The following ARMC3 variants were observed in gnomAD, a reference collection of about 807,000 sequenced individuals.
ARMC3 encodes the protein armadillo repeat-containing protein 3.
In ARMC3, 74 loss-of-function variants were observed where a neutral mutation model predicts 90.3. The ratio of observed to expected loss-of-function variants is 0.82; its 90% CI spans 0.68 to 0.99. The LOEUF is 0.99. Ranked by LOEUF, ARMC3 falls within the 50% of genes least tolerant of loss-of-function variation. ARMC3 has a pLI of 0.00. For synonymous variants in ARMC3, 334 were observed against 361.8 expected (o/e 0.92, Z 0.87); for missense variants, 958 against 1,042.8 (o/e 0.92, Z 1.12).
chr10:23,012,998 C>T (rs899190484), intron 16 of ARMC3, among the ~76,000 whole-genome samples: 1 of 151,600 alleles, frequency 6.6e-6, no homozygotes, highest in Non-Finnish European at 1.5e-5. Flanking sequence ...ACGCAATTCT[C>T]GGGCCTCAGC....
chr10:22,972,926 G>A (rs545469570), intron 8 of ARMC3, among the ~76,000 whole-genome samples: 2 of 152,160 alleles, frequency 1.3e-5, no homozygotes, highest in Non-Finnish European at 2.9e-5. Context: ...CCCTTTGAGG[G>A]AAGGACCTGC....
chr10:22,955,827 CT>C lies in ARMC3; in HGVS notation c.188del (p.Leu63ProfsTer10). The stretch of plus-strand genomic sequence containing the variant: ...GTCAGGTGAGGAAAATAAAACAACC[CT>C]CCTTGAACTTGGAGCTGTGGAACCT... Reference protein sequence around the residue: ...ALKGEENKTTLLELGAVEPLT... With the variant: ...ALKGEENKTTXLELGAVEPLT... On this transcript the variant is annotated frameshift_variant, in exon 4 of 19. Transcript: ENST00000298032. LOFTEE classifies it high-confidence loss of function. 3.1e-6 allele frequency: 5 copies of C among 1,613,912 alleles called. No homozygotes were observed. Among genetic ancestry groups the C allele is most frequent in the Non-Finnish European group, 4.2e-6 (5 of 1,179,918 alleles).
chr10:22,945,713 A>T (rs752792083), intron 2 of ARMC3, among the ~76,000 whole-genome samples: 1 of 152,208 alleles, frequency 6.6e-6, no homozygotes, highest in Non-Finnish European at 1.5e-5. Context: ...AAGCATTTAT[A>T]TCATTTGATA....
chr10:22,971,561 C>T (rs1588862770), intron 8 of ARMC3, among the ~76,000 whole-genome samples: 1 of 151,910 alleles, frequency 6.6e-6, no homozygotes, highest in East Asian at 1.9e-4. Flanking sequence ...CTGCCTCAGC[C>T]TCCTGAGTAG....
At chr10:22,943,048 G>T (rs573186835) in intron 2 of ARMC3, among the ~76,000 whole-genome samples, 21 of 152,194 alleles carry the variant, frequency 1.4e-4, no homozygotes, top group Non-Finnish European at 3.1e-4. Context: ...TATCTCTCAT[G>T]GGGGCAGGGT....
At chr10:22,943,325 T>C (rs1361461349) in intron 2 of ARMC3, among the ~76,000 whole-genome samples, 1 of 152,196 alleles carries the variant, frequency 6.6e-6, no homozygotes, top group Non-Finnish European at 1.5e-5. Flanking sequence ...TGTTTTCATC[T>C]TGTAATTTCT....
intron 16 of ARMC3, among the ~76,000 whole-genome samples, chr10:23,011,759 A>C (rs1383047006): frequency 1.3e-5 from 2 of 152,166 alleles, no homozygotes; most frequent in Non-Finnish European, 2.9e-5. Flanking sequence ...CCCAATTCCA[A>C]AACAGCCTTC....
chr10:22,955,743 C>T, intron 3 of ARMC3, 64 bp from the exon 4 acceptor site: 2 of 1,574,400 alleles, frequency 1.3e-6, no homozygotes. Context: ...TGGAATGGCA[C>T]AAGGCAGAAT....
Position 23,008,275 on chromosome 10 carries a change from G to C in ARMC3, c.1830-1G>C. The C allele has an allele frequency of 6.8e-7, 1 of 1,460,238 alleles. No individual in the cohort carries two copies. The highest frequency in any genetic ancestry group is 9.3e-7 in the Non-Finnish European group (1 of 1,075,182). The allele number at this position is 1,460,238 out of a possible 1,614,324, so 90.5% of individuals were successfully genotyped here. ...ATAATTTTAAATGTGTAAAATTTTAGTTCTCCACCTTCATCTATGGAAGAT... is the reference window on the plus strand; with the variant it reads ...ATAATTTTAAATGTGTAAAATTTTACTTCTCCACCTTCATCTATGGAAGAT... On this transcript the variant is annotated splice_acceptor_variant, in intron 14 of 18. Transcript: ENST00000298032. LOFTEE classifies it high-confidence loss of function.
intron 2 of ARMC3, among the ~76,000 whole-genome samples, chr10:22,939,349 C>T (rs1834232663): frequency 6.6e-6 from 1 of 152,158 alleles, no homozygotes; most frequent in Admixed American, 6.5e-5. Flanking sequence ...TGGAACTCCA[C>T]CTGGCAAAGG....
At chr10:22,946,847 C>T (rs1039397190) in intron 3 of ARMC3, among the ~76,000 whole-genome samples, 37 of 152,202 alleles carry the variant, frequency 2.4e-4, no homozygotes, top group Admixed American at 1.8e-3. Context: ...CAAACACTAC[C>T]GCAGCTAGGT....
intron 13 of ARMC3, chr10:23,006,634 T>G: frequency 2.5e-6 from 1 of 405,282 alleles, no homozygotes; most frequent in Non-Finnish European, 4.6e-6. Flanking sequence ...AAGATGATAA[T>G]GATGGGATGA....
intron 16 of ARMC3, among the ~76,000 whole-genome samples, chr10:23,026,771 G>A (rs533293256): frequency 5.7e-4 from 86 of 152,162 alleles, no homozygotes; most frequent in Non-Finnish European, 8.8e-4. Flanking sequence ...ATTTTATCAC[G>A]TGTAGGTTTA....
At position 23,007,574 on chromosome 10, in the gene ARMC3, G is replaced by A. The variant is rs565978179; in HGVS notation, c.1829+593G>A. Among the ~76,000 whole-genome samples, 3 of 152,102 alleles carry A rather than the reference G, an allele frequency of 2.0e-5. No individual in the cohort carries two copies. The South Asian group carries it at 6.2e-4, about 32-fold the overall frequency. ...TAGTTGGGTGTGGTGGCGCACGCCT[G>A]TAATCCCAGCTACTCAGGAGGCTGA... is the stretch of plus-strand genomic sequence containing the variant. On this transcript the variant is annotated intron_variant, in intron 14 of 18. Transcript: ENST00000298032.
At chr10:22,937,746 C>T (rs1317974384) in intron 2 of ARMC3, among the ~76,000 whole-genome samples, 1 of 152,162 alleles carries the variant, frequency 6.6e-6, no homozygotes, top group Non-Finnish European at 1.5e-5. Flanking sequence ...ACAGTTAAGG[C>T]ACTTTAAGGC....
At chr10:23,016,567 C>T (rs563040212) in intron 16 of ARMC3, among the ~76,000 whole-genome samples, 8 of 152,158 alleles carry the variant, frequency 5.3e-5, no homozygotes, top group Admixed American at 3.9e-4. Context: ...TTAATTTTAC[C>T]GGAGTTAATT....
At chr10:23,016,547 G>A (rs1240597870) in intron 16 of ARMC3, among the ~76,000 whole-genome samples, 2 of 152,090 alleles carry the variant, frequency 1.3e-5, no homozygotes, top group African/African-American at 4.8e-5. Flanking sequence ...AAAAACTGAT[G>A]CTCTGAGAAT....
chr10:22,935,792 A>G (rs1164143659), intron 2 of ARMC3, among the ~76,000 whole-genome samples: 2 of 152,232 alleles, frequency 1.3e-5, no homozygotes, highest in Non-Finnish European at 2.9e-5. Context: ...AAAGTAAACT[A>G]AAAGGTATTT....
chr10:22,998,251 A>T lies in ARMC3; in HGVS notation c.1279A>T (p.Met427Leu). Residue 427 changes from methionine (M) to leucine (L), a missense_variant, in exon 11 of 19, where the codon ATG becomes TTG. Physicochemically the swap from Met to Leu is conservative, Grantham distance 15 (BLOSUM62 2). Transcript: ENST00000298032. Reference sequence around the variant, plus strand: ...TGCTACAGTATTAACAAACATGGCCATGCAGGAGCCCCTGCGCCTGAACAT... The same window carrying T: ...TGCTACAGTATTAACAAACATGGCCTTGCAGGAGCCCCTGCGCCTGAACAT... ...NAATVLTNMA[M>L]QEPLRLNIQN... The T allele has an allele frequency of 1.2e-6, 2 of 1,612,810 alleles. No individual in the cohort carries two copies. The highest frequency in any genetic ancestry group is 2.2e-5 in the South Asian group (2 of 90,878).
Sources: allele counts gnomAD v4.1 joint callset (sites outside exome capture counted in the v4.1 genomes callset), GRCh38; gene constraint gnomAD v4.1.1; transcripts MANE v1.5; gene names NCBI Gene and HGNC (gene_info 2026-07-23, HGNC 2026-07-21).